GNAL: variants seen among roughly 807,000 people sequenced by gnomAD.
The protein encoded by GNAL is guanine nucleotide-binding protein G(olf) subunit alpha.
GNAL carries 18 observed loss-of-function variants against 55.1 expected under a neutral mutation model. The ratio of observed to expected loss-of-function variants is 0.33; its 90% CI spans 0.23 to 0.48. The LOEUF is 0.48. Among genes scored for constraint, GNAL ranks in the 20% least tolerant of loss-of-function variants. The pLI, the probability that GNAL is intolerant of heterozygous loss-of-function variation, is 0.99. For missense variants in GNAL, 412 were observed against 614.1 expected, an observed-to-expected ratio of 0.67 and a Z score of 3.48; for synonymous variants, 253 against 237.0, an observed-to-expected ratio of 1.07 and a Z score of -0.62.
Position 11,753,810 on chromosome 18 carries a change from TC to T in GNAL, c.505-15del. ...CCTAAATGTTTATCCATATTTTTTT[TC>T]TTATTCCATTTTAGACAATTGTTTC... On this transcript the variant is annotated splice_polypyrimidine_tract_variant and intron_variant, in intron 3 of 11. Coordinates refer to ENST00000334049, the MANE Select transcript of GNAL (RefSeq NM_182978.4). The T allele has an allele frequency of 1.3e-6, 2 of 1,599,326 alleles. No homozygotes were observed. Among genetic ancestry groups the T allele is most frequent in the Non-Finnish European group, 1.7e-6 (2 of 1,167,284 alleles).
At chr18:11,786,010 A>G (rs2034045859) in intron 4 of GNAL, among the ~76,000 whole-genome samples, 2 of 152,184 alleles carry the variant, frequency 1.3e-5, no homozygotes, top group African/African-American at 4.8e-5. Flanking sequence ...CCCCTCCTTC[A>G]TTATTTCTTA....
intron 1 of GNAL, among the ~76,000 whole-genome samples, chr18:11,744,883 G>C (rs564925795): frequency 6.6e-6 from 1 of 152,142 alleles, no homozygotes; most frequent in East Asian, 1.9e-4. Context: ...GTTAACTTTT[G>C]TAATTTTTGT....
Position 11,753,950 on chromosome 18 carries a change from G to A in GNAL, c.624+5G>A. ...ACTGACTTTGAATATTCCCAGGTAA[G>A]AAATGCTTACTGAAATATTCTAACT... is the stretch of plus-strand genomic sequence containing the variant. On this transcript the variant is annotated splice_donor_5th_base_variant and intron_variant, in intron 4 of 11. Transcript: ENST00000334049. 1 of 1,599,798 alleles carries A rather than the reference G, an allele frequency of 6.3e-7. No homozygotes were observed. The highest frequency in any genetic ancestry group is 8.6e-7 in the Non-Finnish European group (1 of 1,168,824).
chr18:11,787,709 C>A (rs1014256504), intron 4 of GNAL, among the ~76,000 whole-genome samples: 5 of 152,080 alleles, frequency 3.3e-5, no homozygotes, highest in Admixed American at 2.6e-4. Flanking sequence ...CCCATCTCTA[C>A]TAAAAATACA....
At position 11,881,393 on chromosome 18, in the gene GNAL, G is replaced by A; in HGVS notation, c.*258G>A. 2.4e-6 allele frequency: 1 copy of A among 410,360 alleles called. No homozygotes were observed. Among genetic ancestry groups the A allele is most frequent in the Non-Finnish European group, 4.5e-6 (1 of 223,582 alleles). The allele number at this position is 410,360 out of a possible 1,614,324, so 25.4% of individuals were successfully genotyped here. A position where few individuals can be genotyped will look rare whatever the true frequency, so the allele number is the denominator to read the frequency against. On this transcript the variant is annotated 3_prime_UTR_variant, in exon 12 of 12. Transcript: ENST00000334049. This position sits in a 1 kb window ranked among gnomAD's most constrained non-coding sequence, Gnocchi z 4.8. ...CCGACACTGCAGCAGAATCTCTCCG[G>A]GTGGGAGCCCCATTATTCATTCTCC...
intron 4 of GNAL, among the ~76,000 whole-genome samples, chr18:11,804,799 A>G (rs1598474364): frequency 7.7e-6 from 1 of 129,930 alleles, no homozygotes; most frequent in Admixed American, 7.1e-5. Context: ...GATACTGTGT[A>G]GTGGTGAAGT....
intron 4 of GNAL, among the ~76,000 whole-genome samples, chr18:11,788,598 A>G (rs913251581): frequency 5.3e-5 from 8 of 152,046 alleles, no homozygotes; most frequent in Admixed American, 3.9e-4. Context: ...TTGGCCGGGC[A>G]TGGTGGCTCA....
intron 5 of GNAL, among the ~76,000 whole-genome samples, chr18:11,855,141 G>C (rs2035975738): frequency 6.6e-6 from 1 of 152,132 alleles, no homozygotes; most frequent in Admixed American, 6.5e-5. Context: ...GTTTCACCAT[G>C]TTGGCCAGGC....
At chr18:11,873,760 C>T (rs1228804399) in intron 10 of GNAL, among the ~76,000 whole-genome samples, 1 of 152,250 alleles carries the variant, frequency 6.6e-6, no homozygotes, top group Non-Finnish European at 1.5e-5. Context: ...GCTGGCATTG[C>T]CAGTTTCCCA....
At chr18:11,729,306 T>C (rs1486489554) in intron 1 of GNAL, among the ~76,000 whole-genome samples, 1 of 152,082 alleles carries the variant, frequency 6.6e-6, no homozygotes, top group Admixed American at 6.5e-5. Flanking sequence ...CCCACCTGTG[T>C]GGGTTTTCAC....
In GNAL at chr18:11,862,440, C is replaced by T; in HGVS notation, c.768C>T (p.Pro256=). 4 of 1,611,746 alleles carry T rather than the reference C, an allele frequency of 2.5e-6. No homozygotes were observed. The highest frequency in any genetic ancestry group is 2.5e-6 in the Non-Finnish European group (3 of 1,177,848). Residue 256 remains proline, a synonymous_variant, in exon 6 of 12, where the codon CCC becomes CCT. Transcript: ENST00000334049. ...IDSVSLVDYT[P]TDQDLLRCRV... ...GCGTCAGCTTGGTTGACTACACACC[C>T]ACAGACCAGGTATGTGGAATTAGGG...
intron 5 of GNAL, among the ~76,000 whole-genome samples, chr18:11,846,489 A>C (rs868763904): frequency 1.6e-4 from 24 of 145,578 alleles, no homozygotes; most frequent in African/African-American, 5.2e-4. Flanking sequence ...ACACACACAC[A>C]CACAGACTCA....
chr18:11,808,210 T>C (rs2034715935), intron 4 of GNAL, among the ~76,000 whole-genome samples: 1 of 151,990 alleles, frequency 6.6e-6, no homozygotes, highest in Admixed American at 6.6e-5. Flanking sequence ...TCTCCTCCAA[T>C]CACTCACCCT....
intron 1 of GNAL, among the ~76,000 whole-genome samples, chr18:11,713,962 C>T (rs1382651317): frequency 6.6e-6 from 1 of 152,226 alleles, no homozygotes; most frequent in Non-Finnish European, 1.5e-5. Context: ...AACACCTTCT[C>T]TGTCCTTGAC....
intron 6 of GNAL, among the ~76,000 whole-genome samples, chr18:11,863,039 C>A (rs2036183981): frequency 6.6e-6 from 1 of 152,092 alleles, no homozygotes. Flanking sequence ...CCACCTCGCC[C>A]AGCTAATTTT....
Position 11,730,240 on chromosome 18 carries a change from G to C in GNAL, c.377-22613G>C, listed in dbSNP as rs145787699. The stretch of plus-strand genomic sequence containing the variant: ...AGTGGCACGATCTCAGCTCACTGCA[G>C]CCTCCACCTCCCAGGTTCAAGCGAT... On this transcript the variant is annotated intron_variant, in intron 1 of 11. Transcript: ENST00000334049. 3.6e-3 allele frequency among the ~76,000 whole-genome samples: 539 copies of C among 150,476 alleles called. 2 individuals are homozygous for C. Among genetic ancestry groups the C allele is most frequent in the African/African-American group, 0.013 (520 of 40,890 alleles).
chr18:11,822,501 G>A (rs2035125284), intron 4 of GNAL, among the ~76,000 whole-genome samples: 1 of 152,208 alleles, frequency 6.6e-6, no homozygotes, highest in Non-Finnish European at 1.5e-5. Flanking sequence ...CTACTTGGGA[G>A]GCTGAGGCAG....
At chr18:11,757,628 C>G (rs6505672) in intron 4 of GNAL, among the ~76,000 whole-genome samples, 7,710 of 152,096 alleles carry the variant, frequency 0.051, 287 homozygotes, top group African/African-American at 0.12. Flanking sequence ...TGACTCTGAG[C>G]GTTTGGGTCT....
At position 11,696,609 on chromosome 18, in the gene GNAL, C is replaced by T. The variant is rs925443839; in HGVS notation, c.376+6670C>T. ...TTATGTGGTATAACTTGTTATAGAC[C>T]GTTACAGCAATGATACTAAAATTTT... On this transcript the variant is annotated intron_variant, in intron 1 of 11. Coordinates refer to ENST00000334049, the MANE Select transcript of GNAL (RefSeq NM_182978.4). 3.9e-4 allele frequency among the ~76,000 whole-genome samples: 60 copies of T among 151,942 alleles called. 4 individuals are homozygous for T. Among genetic ancestry groups the T allele is most frequent in the Non-Finnish European group, 4.4e-5 (3 of 68,028 alleles).
Sources: gnomAD v4.1 joint callset for allele counts (sites outside exome capture counted in the v4.1 genomes callset) on GRCh38, gnomAD v4.1.1 for gene constraint, Gnocchi (gnomAD v3.1) non-coding constraint, MANE v1.5 for transcripts, NCBI Gene and HGNC (gene_info 2026-07-23, HGNC 2026-07-21) for gene names.